The following FIGN variants were observed in gnomAD, a reference collection of about 807,000 sequenced individuals.
FIGN encodes the protein fidgetin.
In FIGN, 11 loss-of-function variants were observed where a neutral mutation model predicts 51.3. The observed-to-expected ratio is 0.21, with a 90% confidence interval of 0.13 to 0.35. The LOEUF is 0.35. FIGN is among the 10% of genes least tolerant of loss of function. FIGN has a pLI of 1.00. For missense variants in FIGN, 857 were observed against 943.6 expected (o/e 0.91, Z 1.20); for synonymous variants, 407 against 363.2 (o/e 1.12, Z -1.37).
intron 2 of FIGN, among the ~76,000 whole-genome samples, chr2:163,657,630 G>T (rs1428884922): frequency 6.6e-6 from 1 of 151,900 alleles, no homozygotes; most frequent in African/African-American, 2.4e-5. Context: ...GTAATTAAAA[G>T]AAGCCTAAAT....
At chr2:163,720,781 AAC>A (rs147735125) in intron 2 of FIGN, among the ~76,000 whole-genome samples, 3 of 151,200 alleles carry the variant, frequency 2.0e-5, no homozygotes, top group South Asian at 2.1e-4. Context: ...CTACTAAATA[AAC>A]ACACACACAC....
At chr2:163,719,095 T>C (rs1684714802) in intron 2 of FIGN, among the ~76,000 whole-genome samples, 1 of 152,154 alleles carries the variant, frequency 6.6e-6, no homozygotes, top group South Asian at 2.1e-4. Flanking sequence ...GACAAGAGAA[T>C]AATCTAAAGA....
intron 2 of FIGN, among the ~76,000 whole-genome samples, chr2:163,710,506 T>C (rs1684570684): frequency 6.6e-6 from 1 of 152,178 alleles, no homozygotes; most frequent in African/African-American, 2.4e-5. Context: ...ATTATAGTTT[T>C]GGATGGGCCA....
intron 2 of FIGN, among the ~76,000 whole-genome samples, chr2:163,712,616 G>A (rs1684603407): frequency 6.6e-6 from 1 of 151,962 alleles, no homozygotes; most frequent in Non-Finnish European, 1.5e-5. Flanking sequence ...AATAAAAACC[G>A]CTGAGTTCAA....
intron 2 of FIGN, among the ~76,000 whole-genome samples, chr2:163,640,424 A>G (rs992585186): frequency 6.6e-6 from 1 of 152,208 alleles, no homozygotes; most frequent in African/African-American, 2.4e-5. Flanking sequence ...TCCTTAATAT[A>G]TAGAGTCATG....
intron 2 of FIGN, among the ~76,000 whole-genome samples, chr2:163,707,032 A>G (rs1264252660): frequency 6.6e-6 from 1 of 152,186 alleles, no homozygotes; most frequent in African/African-American, 2.4e-5. Context: ...AAAATTGTAC[A>G]AGAGTTATAT....
At chr2:163,642,243 G>A (rs1025078460) in intron 2 of FIGN, among the ~76,000 whole-genome samples, 5 of 152,156 alleles carry the variant, frequency 3.3e-5, no homozygotes, top group Non-Finnish European at 5.9e-5. Context: ...GTAAGCCTAG[G>A]CTGATGCTAA....
chr2:163,730,808 T>C (rs567427228), intron 2 of FIGN, among the ~76,000 whole-genome samples: 15 of 152,194 alleles, frequency 9.9e-5, no homozygotes, highest in Non-Finnish European at 2.1e-4. Flanking sequence ...CACAAACATC[T>C]GCAGAATAGT....
rs757451420 is a variant in FIGN, at chr2:163,605,183, C to G, written c.*4369G>C. ...GACAATTGCAGTGCCTAGTGCTACACTGCTTGTGTTGTATTTAAAAACAGG... is the reference window on the plus strand; with the variant it reads ...GACAATTGCAGTGCCTAGTGCTACAGTGCTTGTGTTGTATTTAAAAACAGG... On this transcript the variant is annotated 3_prime_UTR_variant, in exon 3 of 3. Transcript: ENST00000333129. The G allele has an allele frequency of 6.6e-6, 1 of 151,858 alleles. No homozygotes were observed. Among genetic ancestry groups the G allele is most frequent in the Non-Finnish European group, 1.5e-5 (1 of 67,960 alleles). 9.4% of individuals were successfully genotyped at this position (151,858 alleles called of 1,614,324 possible).
intron 2 of FIGN, among the ~76,000 whole-genome samples, chr2:163,659,240 G>A (rs1055706846): frequency 4.6e-5 from 7 of 152,194 alleles, no homozygotes; most frequent in Non-Finnish European, 7.4e-5. Context: ...AGTGCAAACC[G>A]AGAAGAAATA....
intron 2 of FIGN, among the ~76,000 whole-genome samples, chr2:163,612,119 T>C (rs1053893218): frequency 6.6e-6 from 1 of 152,192 alleles, no homozygotes; most frequent in African/African-American, 2.4e-5. Context: ...TATACGCACA[T>C]ACACAATCAC....
chr2:163,697,103 TC>T (rs67571143), intron 2 of FIGN, among the ~76,000 whole-genome samples: 34,982 of 121,278 alleles, frequency 0.29, 7,066 homozygotes, highest in East Asian at 0.43. Flanking sequence ...TTCTTTTCTT[TC>T]TTTTTTTTTT....
chr2:163,661,857 C>A (rs190383889), intron 2 of FIGN, among the ~76,000 whole-genome samples: 22 of 152,286 alleles, frequency 1.4e-4, no homozygotes, highest in African/African-American at 5.3e-4. Flanking sequence ...GATTCTGAGG[C>A]CTCCCCAGCC....
Position 163,609,600 on chromosome 2 carries a change from C to T in FIGN, c.2232G>A (p.Glu744=). 6.2e-7 allele frequency: 1 copy of T among 1,614,036 alleles called. No individual in the cohort carries two copies. Among genetic ancestry groups the T allele is most frequent in the Non-Finnish European group, 8.5e-7 (1 of 1,180,000 alleles). ...TGTTCCATTCAACATACATATCAAG[C>T]TCCTTTTGAGATATGCTAGGCTGAA... The part of the protein sequence containing the change: ...CKIQPSISQK[E]LDMYVEWNKM... Residue 744 remains glutamate (E), a synonymous_variant, in exon 3 of 3, where the codon GAG becomes GAA. Transcript: ENST00000333129.
chr2:163,643,785 A>C (rs1683340278), intron 2 of FIGN, among the ~76,000 whole-genome samples: 1 of 151,476 alleles, frequency 6.6e-6, no homozygotes, highest in African/African-American at 2.4e-5. Flanking sequence ...GAAACTCAGA[A>C]GCTGGGTGTG....
rs1691115982 is a variant in FIGN at position 163,606,559 on chromosome 2, T to G, written c.*2993A>C. ...AGGGTATGAAGCCCCATTACTCAGTTGTACTATCACCGACTGTACACATTC... is the reference window on the plus strand; with the variant it reads ...AGGGTATGAAGCCCCATTACTCAGTGGTACTATCACCGACTGTACACATTC... On this transcript the variant is annotated 3_prime_UTR_variant, in exon 3 of 3. Coordinates refer to ENST00000333129, the MANE Select transcript of FIGN (RefSeq NM_018086.4). 1 of 152,270 alleles carries G rather than the reference T, an allele frequency of 6.6e-6. No individual in the cohort carries two copies. Among genetic ancestry groups the G allele is most frequent in the Non-Finnish European group, 1.5e-5 (1 of 68,084 alleles). The allele number at this position is 152,270 out of a possible 1,614,324, so 9.4% of individuals were successfully genotyped here. A position where few individuals can be genotyped will look rare whatever the true frequency, so the allele number is the denominator to read the frequency against.
chr2:163,722,649 G>A (rs1157354073), intron 2 of FIGN, among the ~76,000 whole-genome samples: 1 of 152,038 alleles, frequency 6.6e-6, no homozygotes, highest in Non-Finnish European at 1.5e-5. Flanking sequence ...ATAGCATAAT[G>A]TTTTTTATAA....
intron 2 of FIGN, among the ~76,000 whole-genome samples, chr2:163,656,676 G>T (rs982560029): frequency 3.3e-5 from 5 of 152,120 alleles, no homozygotes; most frequent in Admixed American, 1.3e-4. Context: ...GATTTAAATT[G>T]CTTCTAACGG....
intron 2 of FIGN, among the ~76,000 whole-genome samples, chr2:163,643,457 C>T (rs544663251): frequency 2.0e-5 from 3 of 152,128 alleles, no homozygotes; most frequent in Admixed American, 6.6e-5. Flanking sequence ...TTGAGACTAG[C>T]CTGGCCAACA....
Sources: allele counts gnomAD v4.1 joint callset (sites outside exome capture counted in the v4.1 genomes callset), GRCh38; gene constraint gnomAD v4.1.1; transcripts MANE v1.5; gene names NCBI Gene and HGNC (gene_info 2026-07-23, HGNC 2026-07-21).